Variants in CNTN5 observed in about 807,000 individuals in gnomAD.
The protein encoded by CNTN5 is contactin 5, also known as contactin-5.
CNTN5 carries 77 observed loss-of-function variants against 129.1 expected under a neutral mutation model. The observed-to-expected ratio is 0.60, with a 90% CI of 0.50 to 0.72. CNTN5 has a LOEUF of 0.72. CNTN5 is among the 30% of genes least tolerant of loss of function. The probability of loss-of-function intolerance (pLI) is 0.00; values close to 1 mark genes in which losing one functional copy is unlikely to be tolerated. For synonymous variants in CNTN5, 509 were observed against 465.6 expected (o/e 1.09, Z -1.20); for missense variants, 1,478 against 1,328.8 (o/e 1.11, Z -1.75).
Position 99,164,407 on chromosome 11 carries a change from A to G in CNTN5, c.-210+143137A>G, listed in dbSNP as rs7110648. On this transcript the variant is annotated intron_variant, in intron 1 of 24. Transcript: ENST00000524871. ...ATACTTACCTAAAGAGCAATACAAT[A>G]CTTTAAAAAACTCTATAATAGCTAG... is the stretch of plus-strand genomic sequence containing the variant. Among the ~76,000 whole-genome samples the G allele has an allele frequency of 6.7e-3, 1,019 of 152,142 alleles. 15 individuals are homozygous for G. The highest frequency in any genetic ancestry group is 0.022 in the African/African-American group (910 of 41,504).
intron 3 of CNTN5, among the ~76,000 whole-genome samples, chr11:99,803,244 A>C (rs1305290473): frequency 6.6e-6 from 1 of 152,166 alleles, no homozygotes; most frequent in Non-Finnish European, 1.5e-5. Flanking sequence ...AGTCAGTTGG[A>C]ACACCCAGCA....
At chr11:99,131,241 C>A (rs1194487005) in intron 1 of CNTN5, among the ~76,000 whole-genome samples, 1 of 13,788 alleles carries the variant, frequency 7.3e-5, no homozygotes, top group Non-Finnish European at 1.3e-4. Flanking sequence ...GAGTGAGACT[C>A]CATCTCAGAA....
intron 13 of CNTN5, among the ~76,000 whole-genome samples, chr11:100,075,953 C>A (rs980442309): frequency 2.6e-5 from 4 of 151,964 alleles, no homozygotes; most frequent in Admixed American, 1.3e-4. Flanking sequence ...ATGTTCTGAG[C>A]CCCAACATCG....
intron 13 of CNTN5, among the ~76,000 whole-genome samples, chr11:100,086,097 AAAG>A (rs1323377545): frequency 3.3e-5 from 5 of 152,014 alleles, no homozygotes; most frequent in Non-Finnish European, 7.4e-5. Flanking sequence ...GAAGACAAAT[AAAG>A]AAGAACTTGA....
At chr11:99,220,604 T>A (rs1487881948) in intron 1 of CNTN5, among the ~76,000 whole-genome samples, 1 of 151,988 alleles carries the variant, frequency 6.6e-6, no homozygotes, top group Non-Finnish European at 1.5e-5. Context: ...GTTATATTTT[T>A]AAAAATCCAT....
intron 1 of CNTN5, among the ~76,000 whole-genome samples, chr11:99,306,906 C>G (rs1229382430): frequency 6.6e-6 from 1 of 151,988 alleles, no homozygotes; most frequent in Non-Finnish European, 1.5e-5. Flanking sequence ...CATAAACTCT[C>G]TTTTCTGATT....
At position 99,055,298 on chromosome 11, in the gene CNTN5, ATTAC is replaced by A. The variant is rs368602316; in HGVS notation, c.-210+34032_-210+34035del. Among the ~76,000 whole-genome samples the A allele has an allele frequency of 5.0e-4, 76 of 152,160 alleles. 1 individual carries two copies. The East Asian group carries it at 0.012, about 24-fold the overall frequency. On this transcript the variant is annotated intron_variant, in intron 1 of 24. Transcript: ENST00000524871. ...TCAGTTTGTAATATCTGAGATGTTT[ATTAC>A]TTAAGAGGATATTGGAATCTTACTA...
At chr11:99,470,252 C>T (rs1041581587) in intron 2 of CNTN5, among the ~76,000 whole-genome samples, 9 of 152,264 alleles carry the variant, frequency 5.9e-5, no homozygotes, top group Non-Finnish European at 1.0e-4. Context: ...TCCAATCATA[C>T]CTGCCCAAGT....
chr11:99,472,265 A>T (rs1565210952), intron 2 of CNTN5, among the ~76,000 whole-genome samples: 1 of 152,180 alleles, frequency 6.6e-6, no homozygotes. Context: ...TCCAGGAATG[A>T]AGATTGCTTT....
chr11:99,705,724 G>A (rs1446650451), intron 3 of CNTN5, among the ~76,000 whole-genome samples: 2 of 151,426 alleles, frequency 1.3e-5, no homozygotes, highest in South Asian at 2.1e-4. Flanking sequence ...TACTTTAGCA[G>A]GAAAACAGAA....
intron 13 of CNTN5, among the ~76,000 whole-genome samples, chr11:100,085,520 AAG>A (rs1246686480): frequency 2.0e-5 from 3 of 152,080 alleles, no homozygotes; most frequent in African/African-American, 7.2e-5. Flanking sequence ...CAAGATAAGT[AAG>A]AGAGAATCCC....
intron 1 of CNTN5, among the ~76,000 whole-genome samples, chr11:99,062,960 T>C (rs1864948711): frequency 6.6e-6 from 1 of 151,950 alleles, no homozygotes; most frequent in Non-Finnish European, 1.5e-5. Flanking sequence ...TCTTTACTGA[T>C]GAAATAAAAG....
At chr11:100,340,276 T>C (rs1302761892) in intron 21 of CNTN5, among the ~76,000 whole-genome samples, 187 bp from the exon 22 acceptor site, 1 of 152,164 alleles carries the variant, frequency 6.6e-6, no homozygotes, top group Non-Finnish European at 1.5e-5. Context: ...TTTACACAGA[T>C]GCAAAGCAGA....
intron 3 of CNTN5, among the ~76,000 whole-genome samples, chr11:99,698,127 T>C (rs654782): frequency 0.46 from 69,605 of 150,396 alleles, 16,527 homozygotes; most frequent in Middle Eastern, 0.54. Context: ...CCTTAATTCA[T>C]TGTTGTAGTA....
chr11:99,092,711 T>G lies in CNTN5; in HGVS notation c.-210+71441T>G, dbSNP rs7940890. On this transcript the variant is annotated intron_variant, in intron 1 of 24. Coordinates refer to ENST00000524871, the MANE Select transcript of CNTN5 (RefSeq NM_014361.4). ...TACAAATGGTAAAAGTTGTGTATGT[T>G]ATATTACTGAATAAAGTAAGCATAT... Among the ~76,000 whole-genome samples, 1,217 of 152,182 alleles carry G rather than the reference T, an allele frequency of 8.0e-3. 15 individuals are homozygous for G. The highest frequency in any genetic ancestry group is 0.028 in the African/African-American group (1,157 of 41,560).
At chr11:99,065,657 A>C (rs1207829709) in intron 1 of CNTN5, among the ~76,000 whole-genome samples, 1 of 152,180 alleles carries the variant, frequency 6.6e-6, no homozygotes, top group African/African-American at 2.4e-5. Flanking sequence ...TAATTTTACC[A>C]AAAAGTTTTA....
At chr11:99,511,071 A>T (rs1181848911) in intron 2 of CNTN5, among the ~76,000 whole-genome samples, 1 of 149,150 alleles carries the variant, frequency 6.7e-6, no homozygotes, top group Non-Finnish European at 1.5e-5. Context: ...AAAAAGCGTA[A>T]ACATTAAAAA....
At chr11:100,034,964 C>T (rs1941903912) in intron 9 of CNTN5, among the ~76,000 whole-genome samples, 1 of 151,556 alleles carries the variant, frequency 6.6e-6, no homozygotes, top group Non-Finnish European at 1.5e-5. Context: ...CTTTCTGTAT[C>T]TTTTTTTTTA....
chr11:99,360,101 C>T (rs1170112833), intron 2 of CNTN5, among the ~76,000 whole-genome samples: 1 of 152,102 alleles, frequency 6.6e-6, no homozygotes, highest in Non-Finnish European at 1.5e-5. Context: ...GGGCAAACAA[C>T]ATTAAACCGT....
Sources: gnomAD v4.1 joint callset for allele counts (sites outside exome capture counted in the v4.1 genomes callset) on GRCh38, gnomAD v4.1.1 for gene constraint, MANE v1.5 for transcripts, NCBI Gene and HGNC (gene_info 2026-07-23, HGNC 2026-07-21) for gene names.